ANXA5: variants seen among roughly 807,000 people sequenced by gnomAD.
ANXA5 encodes the protein annexin A5.
A neutral mutation model predicts 48.1 loss-of-function variants in ANXA5; 40 were observed. The ratio of observed to expected loss-of-function variants is 0.83; its 90% confidence interval spans 0.65 to 1.08. The LOEUF (loss-of-function observed/expected upper bound fraction) is 1.08, where lower values mean the gene tolerates loss of function less well. ANXA5 is among the 50% of genes least tolerant of loss of function. The pLI is 0.00. For synonymous variants in ANXA5, 113 were observed against 129.1 expected (o/e 0.88, Z 0.85); for missense variants, 357 against 376.8 (o/e 0.95, Z 0.44).
At position 121,668,344 on chromosome 4, in the gene ANXA5, C is replaced by A; in HGVS notation, c.*124G>T. The A allele has an allele frequency of 1.3e-6, 1 of 792,822 alleles. No individual in the cohort carries two copies. The highest frequency in any genetic ancestry group is 1.5e-5 in the South Asian group (1 of 64,880). The allele number at this position is 792,822 out of a possible 1,614,324, so 49.1% of individuals were successfully genotyped here. A position where few individuals can be genotyped will look rare whatever the true frequency, so the allele number is the denominator to read the frequency against. ...TCTTCTATGACGTGTATGTGTTGGTCATGAGCATGCTAGTATGAATAAGGC... is the reference window on the plus strand; with the variant it reads ...TCTTCTATGACGTGTATGTGTTGGTAATGAGCATGCTAGTATGAATAAGGC... On this transcript the variant is annotated 3_prime_UTR_variant, in exon 13 of 13. Transcript: ENST00000296511.
At chr4:121,687,010 A>G (rs1191677979) in intron 2 of ANXA5, among the ~76,000 whole-genome samples, 3 of 152,228 alleles carry the variant, frequency 2.0e-5, no homozygotes, top group Non-Finnish European at 4.4e-5. Flanking sequence ...TATTTCAAAA[A>G]AAATTAGTGA....
At chr4:121,686,870 G>A (rs1724900341) in intron 2 of ANXA5, among the ~76,000 whole-genome samples, 1 of 152,170 alleles carries the variant, frequency 6.6e-6, no homozygotes, top group Non-Finnish European at 1.5e-5. Flanking sequence ...TCGTTCACGT[G>A]CCAGAGGAAT....
intron 2 of ANXA5, among the ~76,000 whole-genome samples, chr4:121,687,004 TC>T (rs1313166401): frequency 6.6e-6 from 1 of 152,092 alleles, no homozygotes; most frequent in African/African-American, 2.4e-5. Context: ...TCTTCGTATT[TC>T]AAAAAAAATT....
intron 3 of ANXA5, 41 bp from the exon 4 acceptor site, chr4:121,684,812 G>T: frequency 6.6e-7 from 1 of 1,513,820 alleles, no homozygotes; most frequent in Non-Finnish European, 9.2e-7. Flanking sequence ...GCTCCTACAT[G>T]CATACTCTCC....
chr4:121,670,049 T>C (rs565568299), intron 10 of ANXA5, 37 bp from the exon 11 acceptor site: 1 of 1,441,946 alleles, frequency 6.9e-7, no homozygotes, highest in South Asian at 1.2e-5. Context: ...AAATGCTATT[T>C]TGATATGTAA....
At chr4:121,694,122 T>C (rs1215275119) in intron 2 of ANXA5, among the ~76,000 whole-genome samples, 4 of 129,016 alleles carry the variant, frequency 3.1e-5, no homozygotes, top group Non-Finnish European at 5.0e-5. Flanking sequence ...GGGGGAGGGA[T>C]AGCATTAGGA....
In ANXA5 at chr4:121,678,461, C is replaced by G. The variant is rs1413993753; in HGVS notation, c.428G>C (p.Gly143Ala). The G allele has an allele frequency of 1.2e-6, 2 of 1,613,804 alleles. No individual in the cohort carries two copies. Among genetic ancestry groups the G allele is most frequent in the Non-Finnish European group, 1.7e-6 (2 of 1,179,862 alleles). ...YGSSLEDDVV[G>A]DTSGYYQRML... ...CCGCTGGTAGTACCCTGAAGTGTCC[C>G]CCACCACGTCATCTTCCAGGCTTGA... The change falls in exon 7 of 13, where the codon GGG (glycine) becomes GCG (alanine). Residue 143 changes from glycine to alanine, a missense_variant. Coordinates refer to ENST00000296511, the MANE Select transcript of ANXA5 (RefSeq NM_001154.4).
At chr4:121,674,930 A>G (rs1391182013) in intron 8 of ANXA5, among the ~76,000 whole-genome samples, 3 of 152,192 alleles carry the variant, frequency 2.0e-5, no homozygotes, top group Admixed American at 6.5e-5. Flanking sequence ...TCTATCTGCA[A>G]GATCTCAGAT....
At position 121,684,752 on chromosome 4, in the gene ANXA5, G is replaced by C. The variant is rs765069940; in HGVS notation, c.114C>G (p.Ile38Met). The change falls in exon 4 of 13, where the codon ATC becomes ATG. Residue 38 changes from isoleucine (I) to methionine (M), a missense_variant. Coordinates refer to ENST00000296511, the MANE Select transcript of ANXA5 (RefSeq NM_001154.4). ...MKGLGTDEES[I>M]LTLLTSRSNA... ...TACTTCGGGATGTCAACAGAGTCAG[G>C]ATGCTCTCCTCATCTGTGCCTGCAA... 1 of 1,613,882 alleles carries C rather than the reference G, an allele frequency of 6.2e-7. No individual in the cohort carries two copies. Among genetic ancestry groups the C allele is most frequent in the South Asian group, 1.1e-5 (1 of 91,066 alleles).
In ANXA5 at chr4:121,678,816, CT is replaced by C. The variant is rs1724743571; in HGVS notation, c.395-323del. Among the ~76,000 whole-genome samples the C allele has an allele frequency of 4.6e-5, 7 of 152,310 alleles. 1 individual carries two copies. The South Asian group carries it at 1.5e-3, about 32-fold the overall frequency. On this transcript the variant is annotated intron_variant, in intron 6 of 12. Coordinates refer to ENST00000296511, the MANE Select transcript of ANXA5 (RefSeq NM_001154.4). The stretch of plus-strand genomic sequence containing the variant: ...TCTCCAAAACACAATCAATCATAAG[CT>C]TAAACTCTGTTTTGCTTTCTTTCAA...
rs920048933 is a variant in ANXA5, at chr4:121,671,607, T to C, written c.661A>G (p.Ile221Val). The change falls in exon 10 of 13, where the codon ATT becomes GTT. Residue 221 changes from isoleucine (I) to valine (V), a missense_variant. Ile to Val is a conservative substitution (Grantham distance 29). Coordinates refer to ENST00000296511, the MANE Select transcript of ANXA5 (RefSeq NM_001154.4). Reference sequence around the variant, plus strand: ...GTCTCGCGGTCAATGGTTTCCTCAATTTGAAATCCTGATATAGTCATGTAC... The same window carrying C: ...GTCTCGCGGTCAATGGTTTCCTCAACTTGAAATCCTGATATAGTCATGTAC... ...DKYMTISGFQIEETIDRETSG... is the reference protein window; with the variant it reads ...DKYMTISGFQVEETIDRETSG... 43 of 1,613,270 alleles carry C rather than the reference T, an allele frequency of 2.7e-5. No homozygotes were observed. Among genetic ancestry groups the C allele is most frequent in the Non-Finnish European group, 3.4e-5 (40 of 1,179,442 alleles).
At chr4:121,685,503 G>A (rs192117959) in intron 3 of ANXA5, among the ~76,000 whole-genome samples, 1 of 152,244 alleles carries the variant, frequency 6.6e-6, no homozygotes, top group African/African-American at 2.4e-5. Context: ...GGAAATACAG[G>A]GCTTTCATAA....
chr4:121,695,996 T>C (rs993228421), intron 2 of ANXA5, among the ~76,000 whole-genome samples: 9 of 151,914 alleles, frequency 5.9e-5, no homozygotes, highest in African/African-American at 2.2e-4. Flanking sequence ...GAGAACTCGT[T>C]CCACGAGTTC....
intron 8 of ANXA5, among the ~76,000 whole-genome samples, chr4:121,676,821 A>G (rs1034409358): frequency 1.2e-4 from 18 of 152,148 alleles, no homozygotes; most frequent in Non-Finnish European, 1.9e-4. Context: ...GGCTGGAGGC[A>G]TAAGTAAACA....
rs1300603393 is a variant in ANXA5, at chr4:121,668,209, T to C, written c.*259A>G. On this transcript the variant is annotated 3_prime_UTR_variant, in exon 13 of 13. Transcript: ENST00000296511. ...AAGCACTCTAGCCTCTTAAAAAATATATATAAATGGAAAATGGCCAGGCAT... is the reference window on the plus strand; with the variant it reads ...AAGCACTCTAGCCTCTTAAAAAATACATATAAATGGAAAATGGCCAGGCAT... 3.2e-6 allele frequency: 1 copy of C among 313,082 alleles called. No homozygotes were observed. Among genetic ancestry groups the C allele is most frequent in the African/African-American group, 2.2e-5 (1 of 46,338 alleles). 19.4% of individuals were successfully genotyped at this position (313,082 alleles called of 1,614,324 possible). A position where few individuals can be genotyped will look rare whatever the true frequency, so the allele number is the denominator to read the frequency against.
chr4:121,668,242 A>T lies in ANXA5; in HGVS notation c.*226T>A, dbSNP rs1724553136. The stretch of plus-strand genomic sequence containing the variant: ...TGGAAAATGGCCAGGCATTAAACTT[A>T]GTAACATTAAGTACACTTTAGTACT... On this transcript the variant is annotated 3_prime_UTR_variant, in exon 13 of 13. Coordinates refer to ENST00000296511, the MANE Select transcript of ANXA5 (RefSeq NM_001154.4). 2.6e-6 allele frequency: 1 copy of T among 388,574 alleles called. No individual in the cohort carries two copies. The highest frequency in any genetic ancestry group is 7.4e-5 in the South Asian group (1 of 13,448). 24.1% of individuals were successfully genotyped at this position (388,574 alleles called of 1,614,324 possible).
Position 121,672,594 on chromosome 4 carries a change from C to T in ANXA5, c.564G>A (p.Gly188=). ...TGGTGATAAACTTTTCTTCATCTGT[C>T]CCCCATTTAAGTTCTCCAGCCTGAA... ...ALFQAGELKW[G]TDEEKFITIF... Residue 188 remains glycine, a synonymous_variant, in exon 9 of 13, where the codon GGG becomes GGA. Transcript: ENST00000296511. 1.9e-6 allele frequency: 3 copies of T among 1,613,746 alleles called. No individual in the cohort carries two copies. The highest frequency in any genetic ancestry group is 2.5e-6 in the Non-Finnish European group (3 of 1,179,830).
rs186936197 is a variant in ANXA5, at chr4:121,678,378, C to T, written c.474+37G>A. The T allele has an allele frequency of 3.8e-6, 6 of 1,569,472 alleles. No homozygotes were observed. The South Asian group carries it at 6.9e-5, about 18-fold the overall frequency. On this transcript the variant is annotated intron_variant, in intron 7 of 12. Coordinates refer to ENST00000296511, the MANE Select transcript of ANXA5 (RefSeq NM_001154.4). ...AGATTCAGCCCAGTCCAACTTCAGGCTTTTTAATCAAACTGTAATTAATCT... is the reference window on the plus strand; with the variant it reads ...AGATTCAGCCCAGTCCAACTTCAGGTTTTTTAATCAAACTGTAATTAATCT...
intron 8 of ANXA5, among the ~76,000 whole-genome samples, chr4:121,677,463 A>G (rs1163995055): frequency 1.3e-5 from 2 of 152,204 alleles, no homozygotes; most frequent in East Asian, 3.8e-4. Context: ...AATGCAGAGA[A>G]ATTTCCTAAT....
Sources: allele counts gnomAD v4.1 joint callset (sites outside exome capture counted in the v4.1 genomes callset), GRCh38; gene constraint gnomAD v4.1.1; transcripts MANE v1.5; gene names NCBI Gene and HGNC (gene_info 2026-07-23, HGNC 2026-07-21).